The following RAB2A variants were observed in gnomAD, a reference collection of about 807,000 sequenced individuals.
RAB2A encodes the protein RAB2A, member RAS oncogene family.
In RAB2A, 7 loss-of-function variants were observed where a neutral mutation model predicts 32.5. The observed-to-expected ratio is 0.22, with a 90% confidence interval of 0.12 to 0.40. RAB2A has a LOEUF of 0.40. Ranked by LOEUF, RAB2A falls within the 10% of genes least tolerant of loss-of-function variation. RAB2A has a pLI of 1.00. For synonymous variants in RAB2A, 79 were observed against 85.2 expected, an observed-to-expected ratio of 0.93 and a Z score of 0.40; for missense variants, 108 against 260.7, an observed-to-expected ratio of 0.41 and a Z score of 4.03.
At chr8:60,617,003 A>C (rs1461688968) in intron 6 of RAB2A, among the ~76,000 whole-genome samples, 1 of 152,236 alleles carries the variant, frequency 6.6e-6, no homozygotes, top group Non-Finnish European at 1.5e-5. Context: ...TTTACTTTTT[A>C]AACTTTAAAT....
chr8:60,539,651 A>G (rs1345861917), intron 1 of RAB2A, among the ~76,000 whole-genome samples: 1 of 152,220 alleles, frequency 6.6e-6, no homozygotes, highest in Non-Finnish European at 1.5e-5. Flanking sequence ...TGCCCTTATG[A>G]GGTTTATAGT....
chr8:60,584,740 A>ACTTGACAACCTGGTTAGAAGATGCC lies in RAB2A; in HGVS notation c.289_313dup (p.Arg105LeufsTer24). The stretch of plus-strand genomic sequence containing the variant: ...ATGTTTAGGAGAGATACATTCAACC[A>ACTTGACAACCTGGTTAGAAGATGCC]CTTGACAACCTGGTTAGAAGATGCC... On this transcript the variant is annotated frameshift_variant, in exon 5 of 8. Coordinates refer to ENST00000262646, the MANE Select transcript of RAB2A (RefSeq NM_002865.3). LOFTEE classifies it high-confidence loss of function. 1 of 1,612,680 alleles carries ACTTGACAACCTGGTTAGAAGATGCC rather than the reference A, an allele frequency of 6.2e-7. No homozygotes were observed.
chr8:60,585,282 TTTTTGTTTTGTTTTG>T (rs112024465), intron 5 of RAB2A, among the ~76,000 whole-genome samples: 33,782 of 148,476 alleles, frequency 0.23, 3,932 homozygotes, highest in Middle Eastern at 0.36. Flanking sequence ...GGCACCATTC[TTTTTGTTTTGTTTTG>T]TTTTGTTTTG....
chr8:60,522,561 G>A (rs1204227327), intron 1 of RAB2A, among the ~76,000 whole-genome samples: 2 of 152,004 alleles, frequency 1.3e-5, no homozygotes, highest in East Asian at 1.9e-4. Flanking sequence ...TAGTATTGGT[G>A]GTTTTACAAA....
chr8:60,543,986 CGGT>C (rs1807686188), intron 1 of RAB2A, among the ~76,000 whole-genome samples: 2 of 143,480 alleles, frequency 1.4e-5, no homozygotes, highest in South Asian at 4.5e-4. Context: ...CACTTGAACT[CGGT>C]GGGTGGAGGT....
intron 6 of RAB2A, 118 bp from the exon 7 acceptor site, chr8:60,618,462 T>C (rs1308821335): frequency 2.7e-6 from 1 of 374,238 alleles, no homozygotes; most frequent in Non-Finnish European, 4.3e-6. Flanking sequence ...TCTTTATTAA[T>C]ATGTATTACG....
At chr8:60,605,828 A>AATATATATATATATATATATAT (rs765737905) in intron 6 of RAB2A, among the ~76,000 whole-genome samples, 8 of 114,006 alleles carry the variant, frequency 7.0e-5, no homozygotes, top group Admixed American at 4.8e-4. Context: ...AAAAGGGACT[A>AATATATATATATATATATATAT]ATACATATAT....
chr8:60,528,890 A>C (rs574163652), intron 1 of RAB2A, among the ~76,000 whole-genome samples: 5 of 152,204 alleles, frequency 3.3e-5, no homozygotes, highest in African/African-American at 9.6e-5. Context: ...GTAATGATTT[A>C]AAAGACTCGG....
At chr8:60,584,840 C>G in intron 5 of RAB2A, 25 bp downstream of exon 5, 1 of 1,521,672 alleles carries the variant, frequency 6.6e-7, no homozygotes, top group South Asian at 1.1e-5. Context: ...TTAGAGCTTA[C>G]ATTGCATTAG....
chr8:60,531,545 C>A (rs756193359), intron 1 of RAB2A, among the ~76,000 whole-genome samples: 26 of 152,142 alleles, frequency 1.7e-4, no homozygotes, highest in Non-Finnish European at 3.2e-4. Context: ...TGTTTCCTAT[C>A]TGTTGAGCAT....
chr8:60,556,641 TAAAA>T (rs11393857), intron 1 of RAB2A, among the ~76,000 whole-genome samples: 22 of 106,594 alleles, frequency 2.1e-4, no homozygotes, highest in East Asian at 1.0e-3. Flanking sequence ...CTCTTTTTAA[TAAAA>T]AAAAAAAAAA....
chr8:60,546,142 A>G (rs773508223), intron 1 of RAB2A, among the ~76,000 whole-genome samples: 7 of 152,270 alleles, frequency 4.6e-5, no homozygotes, highest in Non-Finnish European at 7.3e-5. Context: ...GATCACATCC[A>G]GAGAAATACT....
rs551691795 is a variant in RAB2A at position 60,555,745 on chromosome 8, C to G, written c.47-3107C>G. On this transcript the variant is annotated intron_variant, in intron 1 of 7. Coordinates refer to ENST00000262646, the MANE Select transcript of RAB2A (RefSeq NM_002865.3). ...ATTCAGAGAAAAGAGAATTCTTATA[C>G]ACTGTTGATGGGAATTTAAATTATA... Among the ~76,000 whole-genome samples the G allele has an allele frequency of 1.3e-5, 2 of 152,290 alleles. 1 individual carries two copies. Among genetic ancestry groups the G allele is most frequent in the African/African-American group, 4.8e-5 (2 of 41,570 alleles).
chr8:60,531,326 G>A (rs1403052757), intron 1 of RAB2A, among the ~76,000 whole-genome samples: 2 of 152,266 alleles, frequency 1.3e-5, no homozygotes, highest in South Asian at 2.1e-4. Flanking sequence ...AGCATATCTC[G>A]ATTAATGTGG....
intron 1 of RAB2A, chr8:60,558,342 A>G: frequency 4.4e-6 from 2 of 457,776 alleles, no homozygotes; most frequent in Admixed American, 4.8e-5. Context: ...ATTTTAATAG[A>G]GTGAAGGAAT....
At chr8:60,553,106 A>G (rs1239632203) in intron 1 of RAB2A, 2 of 152,244 alleles carry the variant, frequency 1.3e-5, no homozygotes, top group East Asian at 3.9e-4. Flanking sequence ...AGAAAAAGGG[A>G]AAAAAGTCAG....
At chr8:60,584,660 T>C (rs1803819398) in intron 4 of RAB2A, 63 bp from the exon 5 acceptor site, 2 of 1,332,160 alleles carry the variant, frequency 1.5e-6, no homozygotes, top group African/African-American at 3.0e-5. Context: ...AATATGTATA[T>C]TGTTCGTTGT....
At chr8:60,596,523 C>T (rs748065410) in intron 6 of RAB2A, among the ~76,000 whole-genome samples, 6 of 152,156 alleles carry the variant, frequency 3.9e-5, no homozygotes, top group South Asian at 2.1e-4. Context: ...GACATTTATG[C>T]GGCCAACAAA....
At position 60,595,178 on chromosome 8, in the gene RAB2A, CAT is replaced by C. The variant is rs562848711; in HGVS notation, c.474+3211_474+3212del. Reference sequence around the variant, plus strand: ...AGAACACCATAAAGGAAGAAAAAAACATAAGAAACAAAAATATGGATAAATAT... The same window carrying C: ...AGAACACCATAAAGGAAGAAAAAAACAAGAAACAAAAATATGGATAAATAT... On this transcript the variant is annotated intron_variant, in intron 6 of 7. Coordinates refer to ENST00000262646, the MANE Select transcript of RAB2A (RefSeq NM_002865.3). Among the ~76,000 whole-genome samples the C allele has an allele frequency of 3.2e-3, 485 of 152,134 alleles. 1 individual carries two copies. The highest frequency in any genetic ancestry group is 6.7e-3 in the Admixed American group (103 of 15,284).
Sources: allele counts gnomAD v4.1 joint callset (sites outside exome capture counted in the v4.1 genomes callset), GRCh38; gene constraint gnomAD v4.1.1; transcripts MANE v1.5; gene names NCBI Gene and HGNC (gene_info 2026-07-23, HGNC 2026-07-21).